Variants in MAML3 observed in about 807,000 individuals in gnomAD.
MAML3 encodes the protein mastermind-like protein 3.
Under a neutral mutation model 101.9 loss-of-function variants are expected in MAML3, and 27 were observed. That is an observed-to-expected ratio of 0.27 (90% CI 0.20 to 0.37). The LOEUF (loss-of-function observed/expected upper bound fraction) is 0.37, where lower values mean the gene tolerates loss of function less well. Among genes scored for constraint, MAML3 ranks in the 10% least tolerant of loss-of-function variants. The pLI is 1.00. For missense variants in MAML3, 1,316 were observed against 1,444.9 expected, an observed-to-expected ratio of 0.91 and a Z score of 1.45; for synonymous variants, 501 against 555.9, an observed-to-expected ratio of 0.90 and a Z score of 1.39.
intron 1 of MAML3, among the ~76,000 whole-genome samples, chr4:139,936,999 A>G (rs1042105379): frequency 1.3e-5 from 2 of 152,094 alleles, no homozygotes; most frequent in African/African-American, 2.4e-5. Context: ...CCCAGTGTCA[A>G]ACAACTCTAT....
intron 2 of MAML3, among the ~76,000 whole-genome samples, chr4:139,811,209 A>C (rs1730790896): frequency 6.6e-6 from 1 of 152,192 alleles, no homozygotes; most frequent in African/African-American, 2.4e-5. Context: ...CTAACATATA[A>C]ACAAAGCAAT....
chr4:139,725,969 A>C (rs1434911395), intron 3 of MAML3, 134 bp from the exon 4 acceptor site: 2 of 698,870 alleles, frequency 2.9e-6, no homozygotes, highest in South Asian at 3.5e-5. Context: ...ATATGCATAC[A>C]GGCAAGTGCA....
intron 1 of MAML3, among the ~76,000 whole-genome samples, chr4:139,976,435 C>T (rs767017375): frequency 6.6e-6 from 1 of 152,166 alleles, no homozygotes; most frequent in Admixed American, 6.5e-5. Flanking sequence ...ACTAGAGCCA[C>T]AGCAAGAAAG....
intron 2 of MAML3, among the ~76,000 whole-genome samples, chr4:139,863,832 G>GTTTTTTTTTTTTTTTTTTTTTTT (rs58270046): frequency 1.8e-5 from 2 of 111,254 alleles, no homozygotes; most frequent in Non-Finnish European, 3.8e-5. Flanking sequence ...CAGAACATGG[G>GTTTTTTTTTTTTTTTTTTTTTTT]TTTTTTTTTT....
intron 3 of MAML3, among the ~76,000 whole-genome samples, chr4:139,726,164 T>C (rs1219499459): frequency 6.6e-6 from 1 of 152,260 alleles, no homozygotes; most frequent in Non-Finnish European, 1.5e-5. Flanking sequence ...TGTCTGCTTT[T>C]GTACTTTGCA....
At chr4:140,083,123 A>G (rs1727890433) in intron 1 of MAML3, among the ~76,000 whole-genome samples, 1 of 152,252 alleles carries the variant, frequency 6.6e-6, no homozygotes, top group South Asian at 2.1e-4. Flanking sequence ...TCTCCATTTT[A>G]TGGAAAAGAA....
intron 2 of MAML3, among the ~76,000 whole-genome samples, chr4:139,887,662 T>G (rs1732370205): frequency 6.6e-6 from 1 of 152,230 alleles, no homozygotes; most frequent in South Asian, 2.1e-4. Context: ...CTGCAGAGCC[T>G]GTGAACTGGA....
chr4:140,069,138 G>A (rs1041397044), intron 1 of MAML3, among the ~76,000 whole-genome samples: 2 of 152,104 alleles, frequency 1.3e-5, no homozygotes, highest in East Asian at 1.9e-4. Flanking sequence ...TATCAGCTTC[G>A]ACTTTACATG....
rs749324651 is a variant in MAML3, at chr4:139,890,410, C to T, written c.1026G>A (p.Ser342=). ...AGAGAGGGGTCTCAGTTGCTGGCTG[C>T]GAGAATTCTGGCTCCTTCTTCTCTT... ...DFEEKKEPEF[S]QPATETPLSQ... The change falls in exon 2 of 5, where the codon TCG becomes TCA. Residue 342 remains serine, a synonymous_variant. Coordinates refer to ENST00000509479, the MANE Select transcript of MAML3 (RefSeq NM_018717.5). The surrounding 1 kb of genome is among the most constrained non-coding windows in gnomAD (Gnocchi z 4.1). The T allele has an allele frequency of 8.7e-6, 14 of 1,604,626 alleles. No homozygotes were observed. The highest frequency in any genetic ancestry group is 6.6e-5 in the South Asian group (6 of 90,280).
intron 1 of MAML3, among the ~76,000 whole-genome samples, chr4:140,071,263 A>G (rs533410444): frequency 1.3e-5 from 2 of 152,150 alleles, no homozygotes; most frequent in South Asian, 4.2e-4. Flanking sequence ...CAGGAACACC[A>G]TCTGAGAGAG....
chr4:140,141,065 C>A (rs1393019231), intron 1 of MAML3, among the ~76,000 whole-genome samples: 5 of 152,162 alleles, frequency 3.3e-5, no homozygotes, highest in Non-Finnish European at 7.3e-5. Context: ...AGAAACACTG[C>A]AGTCAGGTGA....
chr4:139,754,683 TC>T (rs1729607903), intron 2 of MAML3, among the ~76,000 whole-genome samples: 1 of 152,190 alleles, frequency 6.6e-6, no homozygotes, highest in South Asian at 2.1e-4. Flanking sequence ...TCAAATACCC[TC>T]TGGAAAGATA....
At chr4:140,032,535 G>A (rs944565026) in intron 1 of MAML3, among the ~76,000 whole-genome samples, 21 of 152,086 alleles carry the variant, frequency 1.4e-4, no homozygotes, top group African/African-American at 4.6e-4. Context: ...ATTGGGTACT[G>A]TACTTTGACT....
intron 1 of MAML3, among the ~76,000 whole-genome samples, chr4:140,135,637 A>G (rs1266648277): frequency 2.6e-5 from 4 of 152,352 alleles, no homozygotes; most frequent in Non-Finnish European, 5.9e-5. Flanking sequence ...CAATGAGACT[A>G]GACGTCTCTG....
intron 2 of MAML3, among the ~76,000 whole-genome samples, chr4:139,861,399 C>T (rs560925387): frequency 1.3e-5 from 2 of 151,948 alleles, no homozygotes; most frequent in East Asian, 3.9e-4. Flanking sequence ...ATCTGAAATT[C>T]CACCTAGTCT....
At chr4:139,752,987 G>A (rs1318316096) in intron 2 of MAML3, among the ~76,000 whole-genome samples, 1 of 152,148 alleles carries the variant, frequency 6.6e-6, no homozygotes, top group African/African-American at 2.4e-5. Context: ...AAGATAATAG[G>A]AGGATACAAT....
intron 2 of MAML3, chr4:139,889,112 G>T: frequency 4.0e-6 from 3 of 746,268 alleles, no homozygotes; most frequent in East Asian, 2.8e-5. Flanking sequence ...ATCTGCAGTT[G>T]GGAATAAAAG....
chr4:140,096,640 C>T (rs1006952628), intron 1 of MAML3, among the ~76,000 whole-genome samples: 2 of 152,014 alleles, frequency 1.3e-5, no homozygotes, highest in Non-Finnish European at 2.9e-5. Flanking sequence ...GGGACTGACA[C>T]GTGGGAGCAG....
At chr4:140,033,044 G>A (rs1433277008) in intron 1 of MAML3, among the ~76,000 whole-genome samples, 1 of 152,164 alleles carries the variant, frequency 6.6e-6, no homozygotes, top group Non-Finnish European at 1.5e-5. Flanking sequence ...AACCATGAAC[G>A]GGTGTTCAGA....
Sources: allele counts gnomAD v4.1 joint callset (sites outside exome capture counted in the v4.1 genomes callset), GRCh38; gene constraint gnomAD v4.1.1; non-coding constraint Gnocchi (gnomAD v3.1); transcripts MANE v1.5; gene names NCBI Gene and HGNC (gene_info 2026-07-23, HGNC 2026-07-21).